The following HSD17B2 variants were observed in gnomAD, a reference collection of about 807,000 sequenced individuals.
HSD17B2 encodes the protein 17-beta-hydroxysteroid dehydrogenase type 2.
In HSD17B2, 32 loss-of-function variants were observed where a neutral mutation model predicts 26.9. That is an observed-to-expected ratio of 1.19 (90% CI 0.90 to 1.60). The LOEUF is 1.60. Ranked by LOEUF, HSD17B2 falls within the 40% of genes most tolerant of loss-of-function variation. The pLI, the probability that HSD17B2 is intolerant of heterozygous loss-of-function variation, is 0.00. For missense variants in HSD17B2, 613 were observed against 468.6 expected (o/e 1.31, Z -2.85); for synonymous variants, 246 against 186.7 (o/e 1.32, Z -2.59).
chr16:82,076,180 TC>T (rs748511536), intron 3 of HSD17B2, among the ~76,000 whole-genome samples: 45 of 152,012 alleles, frequency 3.0e-4, no homozygotes, highest in Non-Finnish European at 5.0e-4. Context: ...AAATTCAACA[TC>T]CCTTTATGAT....
chr16:82,038,091 G>C (rs1442616564), intron 1 of HSD17B2, among the ~76,000 whole-genome samples: 4 of 152,158 alleles, frequency 2.6e-5, no homozygotes, highest in African/African-American at 9.7e-5. Context: ...GCTCCTTTTA[G>C]TTTGTATTTA....
rs950294254 is a variant in HSD17B2 at position 82,090,984 on chromosome 16, G to A, written c.747G>A (p.Glu249=). ...TGTTCTCATCAGTTATGAGACTGGA[G>A]CTTTCCAAGTGGGGAATTAAAGTTG... ...VTMFSSVMRL[E]LSKWGIKVAS... Residue 249 remains glutamate (E), a synonymous_variant, in exon 4 of 5, where the codon GAG becomes GAA. Transcript: ENST00000199936. 1.9e-6 allele frequency: 3 copies of A among 1,614,042 alleles called. No homozygotes were observed. Among genetic ancestry groups the A allele is most frequent in the Non-Finnish European group, 1.7e-6 (2 of 1,179,904 alleles).
At chr16:82,055,610 G>A (rs1178440782) in intron 1 of HSD17B2, among the ~76,000 whole-genome samples, 1 of 152,172 alleles carries the variant, frequency 6.6e-6, no homozygotes, top group Non-Finnish European at 1.5e-5. Flanking sequence ...CTAAGGTTGG[G>A]AAATGTAGAA....
Position 82,098,305 on chromosome 16 carries a change from T to C in HSD17B2, c.1033T>C (p.Tyr345His). 6.2e-7 allele frequency: 1 copy of C among 1,614,194 alleles called. No homozygotes were observed. The highest frequency in any genetic ancestry group is 1.1e-5 in the South Asian group (1 of 91,080). The change falls in exon 5 of 5, where the codon TAC becomes CAC. Residue 345 changes from tyrosine to histidine, a missense_variant. By Grantham distance (83) the Tyr-to-His change is moderately conservative. Transcript: ENST00000199936. Reference sequence around the variant, plus strand: ...CTATTACACGCCAGGGAAAGGCGCTTACTTGTGGATCTGCCTTGCTCACTA... The same window carrying C: ...CTATTACACGCCAGGGAAAGGCGCTCACTTGTGGATCTGCCTTGCTCACTA... ...FAYYTPGKGA[Y>H]LWICLAHYLP...
At chr16:82,083,575 G>C (rs1056507492) in intron 3 of HSD17B2, among the ~76,000 whole-genome samples, 1 of 152,154 alleles carries the variant, frequency 6.6e-6, no homozygotes, top group Non-Finnish European at 1.5e-5. Context: ...TTGGCATGCA[G>C]TGAATGGTCC....
intron 4 of HSD17B2, chr16:82,093,562 A>T (rs931158210): frequency 1.3e-5 from 2 of 152,228 alleles, no homozygotes; most frequent in African/African-American, 4.8e-5. Context: ...ACTTTCTGGT[A>T]CATGTACTTT....
chr16:82,073,086 T>C (rs2143988356), intron 3 of HSD17B2, among the ~76,000 whole-genome samples: 1 of 152,228 alleles, frequency 6.6e-6, no homozygotes, highest in South Asian at 2.1e-4. Context: ...ATACAGAGCA[T>C]AACCTTCCAC....
At chr16:82,066,484 A>G (rs1336363222) in intron 1 of HSD17B2, among the ~76,000 whole-genome samples, 1 of 152,162 alleles carries the variant, frequency 6.6e-6, no homozygotes, top group Non-Finnish European at 1.5e-5. Flanking sequence ...AGGACTGACC[A>G]GTCTCCATTC....
chr16:82,054,376 G>A (rs112216102), intron 1 of HSD17B2, among the ~76,000 whole-genome samples: 2,773 of 151,560 alleles, frequency 0.018, 79 homozygotes, highest in African/African-American at 0.062. Flanking sequence ...ACAGAGTCTC[G>A]CTGTGTCACC....
At chr16:82,065,798 T>C (rs1474462477) in intron 1 of HSD17B2, among the ~76,000 whole-genome samples, 1 of 152,246 alleles carries the variant, frequency 6.6e-6, no homozygotes, top group Non-Finnish European at 1.5e-5. Context: ...TAGGATCCAA[T>C]AGAGTCCAGG....
At chr16:82,055,066 C>A (rs1315496125) in intron 1 of HSD17B2, among the ~76,000 whole-genome samples, 8 of 152,192 alleles carry the variant, frequency 5.3e-5, no homozygotes, top group Admixed American at 5.2e-4. Context: ...CCCATTTTTA[C>A]AATCAAAAAT....
intron 3 of HSD17B2, among the ~76,000 whole-genome samples, chr16:82,087,768 G>C (rs1284289994): frequency 4.6e-5 from 7 of 152,128 alleles, no homozygotes; most frequent in Non-Finnish European, 1.5e-5. Context: ...GATCAAAGGG[G>C]TGGCATCTTG....
intron 1 of HSD17B2, among the ~76,000 whole-genome samples, chr16:82,064,486 T>C (rs1025568583): frequency 1.3e-5 from 2 of 152,248 alleles, no homozygotes; most frequent in African/African-American, 4.8e-5. Context: ...CAGGTTTTTG[T>C]GTAAATATAT....
Position 82,098,363 on chromosome 16 carries a change from A to G in HSD17B2, c.1091A>G (p.Lys364Arg). ...LPIGIYDYFA[K>R]RHFGQDKPMP... is the part of the protein sequence containing the mutation. ...ATTGGCATATATGATTACTTTGCTAAAAGACATTTTGGCCAAGACAAGCCC... is the reference window on the plus strand; with the variant it reads ...ATTGGCATATATGATTACTTTGCTAGAAGACATTTTGGCCAAGACAAGCCC... The change falls in exon 5 of 5, where the codon AAA becomes AGA. Residue 364 changes from lysine to arginine, a missense_variant. Transcript: ENST00000199936. The G allele has an allele frequency of 6.2e-7, 1 of 1,614,172 alleles. No individual in the cohort carries two copies. The highest frequency in any genetic ancestry group is 8.5e-7 in the Non-Finnish European group (1 of 1,179,998).
chr16:82,097,453 G>C (rs764533425), intron 4 of HSD17B2: 2 of 151,778 alleles, frequency 1.3e-5, no homozygotes, highest in Non-Finnish European at 2.9e-5. Context: ...CTAGGCTCAA[G>C]CGATTCCCCT....
At chr16:82,064,336 A>G (rs747665999) in intron 1 of HSD17B2, among the ~76,000 whole-genome samples, 17 of 152,218 alleles carry the variant, frequency 1.1e-4, no homozygotes, top group Non-Finnish European at 2.2e-4. Flanking sequence ...GCAAGCATAG[A>G]AACTTCATTC....
chr16:82,067,268 G>A (rs1914593134), intron 1 of HSD17B2, among the ~76,000 whole-genome samples: 1 of 152,162 alleles, frequency 6.6e-6, no homozygotes, highest in Non-Finnish European at 1.5e-5. Flanking sequence ...CATGACACAG[G>A]CAATGTGAAA....
chr16:82,084,461 T>C lies in HSD17B2; in HGVS notation c.665-6441T>C, dbSNP rs112036363. The stretch of plus-strand genomic sequence containing the variant: ...ATGGGTTTTGAGTGCTTAGCACAGT[T>C]ACTGGTATATAGGAAATATCCAAGT... On this transcript the variant is annotated intron_variant, in intron 3 of 4. Coordinates refer to ENST00000199936, the MANE Select transcript of HSD17B2 (RefSeq NM_002153.3). Among the ~76,000 whole-genome samples, 806 of 152,292 alleles carry C rather than the reference T, an allele frequency of 5.3e-3. 6 individuals are homozygous for C. The highest frequency in any genetic ancestry group is 0.018 in the African/African-American group (764 of 41,560).
At chr16:82,080,732 A>G (rs1005698267) in intron 3 of HSD17B2, among the ~76,000 whole-genome samples, 1 of 152,020 alleles carries the variant, frequency 6.6e-6, no homozygotes, top group Non-Finnish European at 1.5e-5. Flanking sequence ...TTTCTCCTCA[A>G]ATTTAAACTT....
Sources: gnomAD v4.1 joint callset for allele counts (sites outside exome capture counted in the v4.1 genomes callset) on GRCh38, gnomAD v4.1.1 for gene constraint, MANE v1.5 for transcripts, NCBI Gene and HGNC (gene_info 2026-07-23, HGNC 2026-07-21) for gene names.